DCC: variants seen among roughly 807,000 people sequenced by gnomAD.
DCC encodes the protein netrin receptor DCC.
In DCC, 58 loss-of-function variants were observed where a neutral mutation model predicts 172.5. That is an observed-to-expected ratio of 0.34 (90% CI 0.27 to 0.42). The LOEUF (loss-of-function observed/expected upper bound fraction) is 0.42. DCC is among the 10% of genes least tolerant of loss of function. DCC has a pLI of 1.00. For synonymous variants in DCC, 709 were observed against 644.5 expected (o/e 1.10, Z -1.52); for missense variants, 1,740 against 1,791.0 (o/e 0.97, Z 0.51).
At chr18:52,744,987 C>A (rs2036884800) in intron 1 of DCC, among the ~76,000 whole-genome samples, 2 of 152,038 alleles carry the variant, frequency 1.3e-5, no homozygotes, top group African/African-American at 4.8e-5. Context: ...AAGAATATTC[C>A]AAGGAATATT....
intron 9 of DCC, among the ~76,000 whole-genome samples, chr18:53,190,151 C>T (rs926520131): frequency 2.6e-5 from 4 of 152,226 alleles, no homozygotes; most frequent in African/African-American, 9.6e-5. Context: ...GTCTTGAACT[C>T]CCGTCCTCAG....
chr18:52,741,485 C>T (rs1414616478), intron 1 of DCC, among the ~76,000 whole-genome samples: 1 of 152,170 alleles, frequency 6.6e-6, no homozygotes, highest in South Asian at 2.1e-4. Flanking sequence ...CGTCCCTCTA[C>T]ATGGTGGATG....
intron 5 of DCC, among the ~76,000 whole-genome samples, chr18:53,048,168 G>A (rs995708566): frequency 4.0e-5 from 6 of 151,764 alleles, no homozygotes; most frequent in African/African-American, 1.5e-4. Flanking sequence ...GGTTTGTTAT[G>A]TAGGTAAACT....
intron 1 of DCC, among the ~76,000 whole-genome samples, chr18:52,746,790 C>CAA (rs5824957): frequency 0.98 from 149,752 of 152,158 alleles, 73,742 homozygotes; most frequent in East Asian, 1. Context: ...AAAACTAAAA[C>CAA]ATAGATAATA....
chr18:53,020,814 GGCTT>G (rs2041869732), intron 5 of DCC, among the ~76,000 whole-genome samples: 1 of 152,126 alleles, frequency 6.6e-6, no homozygotes, highest in African/African-American at 2.4e-5. Flanking sequence ...TTAATAAAGT[GGCTT>G]GTTTTTAAAT....
At chr18:52,542,346 T>A (rs1244478895) in intron 1 of DCC, among the ~76,000 whole-genome samples, 1 of 152,156 alleles carries the variant, frequency 6.6e-6, no homozygotes, top group Non-Finnish European at 1.5e-5. Context: ...ATAAATTTTT[T>A]AAATGAAGTA....
intron 1 of DCC, among the ~76,000 whole-genome samples, chr18:52,535,934 A>G (rs1444794672): frequency 1.3e-5 from 2 of 152,180 alleles, no homozygotes; most frequent in African/African-American, 2.4e-5. Flanking sequence ...ATGCTTTGGG[A>G]GCACAGAGGA....
chr18:53,454,795 T>C (rs2045463665), intron 23 of DCC, among the ~76,000 whole-genome samples: 3 of 152,206 alleles, frequency 2.0e-5, no homozygotes, highest in Admixed American at 2.0e-4. Context: ...AGGTCACTTT[T>C]ACTGATTTTT....
intron 1 of DCC, among the ~76,000 whole-genome samples, chr18:52,400,637 A>G (rs1041691038): frequency 6.6e-6 from 1 of 152,118 alleles, no homozygotes; most frequent in Non-Finnish European, 1.5e-5. Context: ...ATAAAGACAC[A>G]TGAACATGTA....
At chr18:53,378,743 G>A (rs1325521016) in intron 15 of DCC, among the ~76,000 whole-genome samples, 1 of 152,208 alleles carries the variant, frequency 6.6e-6, no homozygotes, top group Non-Finnish European at 1.5e-5. Flanking sequence ...TTTAGTAGAA[G>A]ATTGAAAATG....
chr18:52,949,177 G>C (rs1464646640), intron 5 of DCC, among the ~76,000 whole-genome samples: 1 of 152,210 alleles, frequency 6.6e-6, no homozygotes, highest in Non-Finnish European at 1.5e-5. Flanking sequence ...GGACAGGGAA[G>C]CTTGAACTGC....
At chr18:53,071,490 G>A (rs2042650702) in intron 7 of DCC, among the ~76,000 whole-genome samples, 1 of 152,148 alleles carries the variant, frequency 6.6e-6, no homozygotes, top group African/African-American at 2.4e-5. Context: ...TACACACAGT[G>A]CTATCTATGC....
intron 1 of DCC, among the ~76,000 whole-genome samples, chr18:52,552,515 A>G (rs2032803211): frequency 6.6e-6 from 1 of 152,218 alleles, no homozygotes; most frequent in East Asian, 1.9e-4. Context: ...CTGTTTATAA[A>G]GAAACAGAAT....
At chr18:52,356,497 A>C (rs780776409) in intron 1 of DCC, among the ~76,000 whole-genome samples, 11 of 152,192 alleles carry the variant, frequency 7.2e-5, no homozygotes, top group Admixed American at 6.5e-5. Context: ...TTTGCAACTT[A>C]AATAGCTTTT....
chr18:53,100,516 A>G (rs936631740), intron 7 of DCC, among the ~76,000 whole-genome samples: 24 of 152,134 alleles, frequency 1.6e-4, no homozygotes, highest in Non-Finnish European at 8.8e-5. Context: ...GAGAACGAGG[A>G]CAATAGGTAC....
chr18:52,385,289 T>C (rs72916959), intron 1 of DCC, among the ~76,000 whole-genome samples: 14,063 of 152,150 alleles, frequency 0.092, 787 homozygotes, highest in Middle Eastern at 0.16. Flanking sequence ...TATTTATTTA[T>C]TTTGGAGACA....
At chr18:52,819,221 C>A (rs997672781) in intron 2 of DCC, among the ~76,000 whole-genome samples, 2 of 151,774 alleles carry the variant, frequency 1.3e-5, no homozygotes, top group Non-Finnish European at 2.9e-5. Context: ...AGCTAATCAC[C>A]CTCCTCTTCC....
intron 11 of DCC, among the ~76,000 whole-genome samples, chr18:53,210,735 T>C (rs766728348): frequency 4.6e-5 from 7 of 152,130 alleles, no homozygotes; most frequent in Non-Finnish European, 8.8e-5. Flanking sequence ...TATTGAGACA[T>C]AGAAAAATTT....
chr18:52,902,590 C>T (rs1461452283), intron 2 of DCC, among the ~76,000 whole-genome samples: 8 of 152,024 alleles, frequency 5.3e-5, no homozygotes, highest in Non-Finnish European at 7.4e-5. Flanking sequence ...GTATTTCATA[C>T]GTATGCGTTA....
Sources: gnomAD v4.1 joint callset for allele counts (sites outside exome capture counted in the v4.1 genomes callset) on GRCh38, gnomAD v4.1.1 for gene constraint, MANE v1.5 for transcripts, NCBI Gene and HGNC (gene_info 2026-07-23, HGNC 2026-07-21) for gene names.